Variants in SPSB1 observed in about 807,000 individuals in gnomAD.
The protein encoded by SPSB1 is SPRY domain-containing SOCS box protein 1.
Under a neutral mutation model 21.2 loss-of-function variants are expected in SPSB1, and 8 were observed. The observed-to-expected ratio is 0.38, with a 90% CI of 0.22 to 0.68. The LOEUF is 0.68. Ranked by LOEUF, SPSB1 falls within the 30% of genes least tolerant of loss-of-function variation. SPSB1 has a pLI of 0.53. For missense variants in SPSB1, 242 were observed against 377.8 expected (o/e 0.64, Z 2.98); for synonymous variants, 169 against 161.7 (o/e 1.05, Z -0.34).
At chr1:9,304,752 T>C (rs750491674) in intron 1 of SPSB1, among the ~76,000 whole-genome samples, 1 of 152,104 alleles carries the variant, frequency 6.6e-6, no homozygotes, top group Non-Finnish European at 1.5e-5. Flanking sequence ...CGTGTCCAGA[T>C]GGCAACTGGG....
chr1:9,355,125 C>T (rs1338050647), intron 1 of SPSB1, among the ~76,000 whole-genome samples: 1 of 152,226 alleles, frequency 6.6e-6, no homozygotes, highest in African/African-American at 2.4e-5. Context: ...ATGTAGCTGG[C>T]GGAGGAGGCT....
intron 1 of SPSB1, among the ~76,000 whole-genome samples, chr1:9,327,131 C>T (rs1278300463): frequency 6.6e-6 from 1 of 152,200 alleles, no homozygotes; most frequent in Non-Finnish European, 1.5e-5. Flanking sequence ...CCAGTGCCCA[C>T]TTGCAGCGCT....
chr1:9,300,832 T>A (rs1639316137), intron 1 of SPSB1, among the ~76,000 whole-genome samples: 1 of 152,236 alleles, frequency 6.6e-6, no homozygotes. Context: ...CACTGCCTTC[T>A]CTCTCCAGCC....
At chr1:9,347,630 G>A (rs917156203) in intron 1 of SPSB1, among the ~76,000 whole-genome samples, 11 of 152,184 alleles carry the variant, frequency 7.2e-5, no homozygotes, top group African/African-American at 1.9e-4. Flanking sequence ...CGACAGCATC[G>A]TGTTACATTT....
intron 1 of SPSB1, among the ~76,000 whole-genome samples, chr1:9,323,089 G>A (rs115353938): frequency 0.023 from 3,450 of 152,300 alleles, 131 homozygotes; most frequent in African/African-American, 0.078. Flanking sequence ...CCCCTCCCCA[G>A]CTCCGGCCTT....
intron 1 of SPSB1, among the ~76,000 whole-genome samples, chr1:9,302,327 T>C (rs1488754668): frequency 6.6e-6 from 1 of 152,240 alleles, no homozygotes. Context: ...ACACTGAGCC[T>C]GTCCCTTTTC....
At position 9,348,346 on chromosome 1, in the gene SPSB1, C is replaced by T. The variant is rs1640198183; in HGVS notation, c.-149-7397C>T. ...CTGTGCCTTGCATAATGAAAGCAAA[C>T]CGTGGCTGTATCCAGAAGGCGCTCT... On this transcript the variant is annotated intron_variant, in intron 1 of 2. Coordinates refer to ENST00000328089, the MANE Select transcript of SPSB1 (RefSeq NM_025106.4). The surrounding 1 kb of genome is among the most constrained non-coding windows in gnomAD (Gnocchi z 4.8). Among the ~76,000 whole-genome samples, 1 of 152,084 alleles carries T rather than the reference C, an allele frequency of 6.6e-6. No individual in the cohort carries two copies. The highest frequency in any genetic ancestry group is 2.1e-4 in the South Asian group (1 of 4,816).
At chr1:9,298,410 A>G (rs374128268) in intron 1 of SPSB1, among the ~76,000 whole-genome samples, 1 of 94,278 alleles carries the variant, frequency 1.1e-5, no homozygotes, top group Non-Finnish European at 2.1e-5. Flanking sequence ...GAGTGAACGA[A>G]TGAATGAATA....
At chr1:9,327,635 G>A (rs1639837989) in intron 1 of SPSB1, among the ~76,000 whole-genome samples, 1 of 152,108 alleles carries the variant, frequency 6.6e-6, no homozygotes, top group African/African-American at 2.4e-5. Flanking sequence ...GTAGGACAGA[G>A]TCTTGGGGGA....
At chr1:9,357,784 C>T (rs1640397572) in intron 2 of SPSB1, among the ~76,000 whole-genome samples, 1 of 152,292 alleles carries the variant, frequency 6.6e-6, no homozygotes, top group Non-Finnish European at 1.5e-5. Flanking sequence ...CATGGCTGCC[C>T]AGCTGGGAGT....
At chr1:9,349,769 C>CG in intron 1 of SPSB1, among the ~76,000 whole-genome samples, 1 of 152,152 alleles carries the variant, frequency 6.6e-6, no homozygotes, top group Non-Finnish European at 1.5e-5. Flanking sequence ...CCCAACCCAC[C>CG]GTTTTATGGC....
intron 1 of SPSB1, among the ~76,000 whole-genome samples, chr1:9,319,777 G>A (rs74051621): frequency 0.027 from 4,067 of 152,224 alleles, 69 homozygotes; most frequent in African/African-American, 0.05. Context: ...CTGGGGTGGC[G>A]GGGTGACTGG....
chr1:9,300,691 A>G (rs759963317), intron 1 of SPSB1, among the ~76,000 whole-genome samples: 13 of 152,232 alleles, frequency 8.5e-5, no homozygotes, highest in Non-Finnish European at 1.3e-4. Context: ...CAAACCAGAC[A>G]TTGGGCATGT....
intron 1 of SPSB1, among the ~76,000 whole-genome samples, chr1:9,352,826 C>G (rs1211704982): frequency 6.7e-6 from 1 of 149,852 alleles, no homozygotes. Context: ...CTGTCTCTCC[C>G]ACCCTCCCCT....
chr1:9,354,163 G>T (rs12727816), intron 1 of SPSB1, among the ~76,000 whole-genome samples: 1 of 152,010 alleles, frequency 6.6e-6, no homozygotes, highest in Non-Finnish European at 1.5e-5. Flanking sequence ...CATACTGAAG[G>T]GGGAGGCCAG....
chr1:9,314,169 C>G (rs1639570543), intron 1 of SPSB1, among the ~76,000 whole-genome samples: 1 of 124,468 alleles, frequency 8.0e-6, no homozygotes, highest in Non-Finnish European at 1.8e-5. Context: ...GATTGAGACT[C>G]TATCTCAAAA....
chr1:9,341,223 G>A (rs2205669), intron 1 of SPSB1, among the ~76,000 whole-genome samples: 121,956 of 152,230 alleles, frequency 0.8, 50,288 homozygotes, highest in Non-Finnish European at 0.91. Flanking sequence ...AGAACAGAGA[G>A]GCACGGTACA....
At chr1:9,294,591 CTGAG>C (rs1471681557) in intron 1 of SPSB1, 2 of 152,242 alleles carry the variant, frequency 1.3e-5, no homozygotes, top group Non-Finnish European at 2.9e-5. Context: ...GGGCTGCTTC[CTGAG>C]TGAGTAATAT....
intron 1 of SPSB1, among the ~76,000 whole-genome samples, chr1:9,353,205 G>C (rs1006321559): frequency 1.3e-5 from 2 of 151,766 alleles, no homozygotes. Flanking sequence ...CCGGCCCCTC[G>C]AGAGCCGCCT....
Sources: allele counts gnomAD v4.1 joint callset (sites outside exome capture counted in the v4.1 genomes callset), GRCh38; gene constraint gnomAD v4.1.1; non-coding constraint Gnocchi (gnomAD v3.1); transcripts MANE v1.5; gene names NCBI Gene and HGNC (gene_info 2026-07-23, HGNC 2026-07-21).